MEGF11: variants seen among roughly 807,000 people sequenced by gnomAD.
The protein encoded by MEGF11 is multiple epidermal growth factor-like domains protein 11.
MEGF11 carries 126 observed loss-of-function variants against 146.6 expected under a neutral mutation model. The ratio of observed to expected loss-of-function variants is 0.86; its 90% CI spans 0.74 to 1.00. MEGF11 has a LOEUF of 1.00. Ranked by LOEUF, MEGF11 falls within the 50% of genes least tolerant of loss-of-function variation. MEGF11 has a pLI of 0.00. For missense variants in MEGF11, 1,509 were observed against 1,521.2 expected, an observed-to-expected ratio of 0.99 and a Z score of 0.13; for synonymous variants, 532 against 583.4, an observed-to-expected ratio of 0.91 and a Z score of 1.27.
At chr15:66,202,351 G>A (rs58460739) in intron 1 of MEGF11, among the ~76,000 whole-genome samples, 6,765 of 152,278 alleles carry the variant, frequency 0.044, 213 homozygotes, top group African/African-American at 0.081. Flanking sequence ...AATATTTAAT[G>A]GCAGTAGAGA....
chr15:66,062,498 C>T (rs1020482292), intron 5 of MEGF11, among the ~76,000 whole-genome samples: 3 of 152,100 alleles, frequency 2.0e-5, no homozygotes, highest in African/African-American at 7.2e-5. Context: ...AGTCTTATGG[C>T]TACAGTGAGA....
Position 66,217,307 on chromosome 15 carries a change from C to T in MEGF11, c.-9+36298G>A, listed in dbSNP as rs536314457. On this transcript the variant is annotated intron_variant, in intron 1 of 25. Transcript: ENST00000395614. ...ATGGCTAAGAGAGAGGGTTCACCTG[C>T]GCAGGGACAGCCTCCAGCTCCCTCT... is the stretch of plus-strand genomic sequence containing the variant. Among the ~76,000 whole-genome samples the T allele has an allele frequency of 3.3e-4, 51 of 152,334 alleles. 2 individuals are homozygous for T. In the South Asian group the frequency reaches 9.3e-3, roughly 28 times the overall value.
At chr15:65,956,789 TAATC>T in intron 10 of MEGF11, among the ~76,000 whole-genome samples, 1 of 152,374 alleles carries the variant, frequency 6.6e-6, no homozygotes, top group African/African-American at 2.4e-5. Context: ...CTCTCCCTCG[TAATC>T]AGAGAAATGC....
At chr15:66,160,234 G>C (rs918742523) in intron 1 of MEGF11, among the ~76,000 whole-genome samples, 2 of 117,132 alleles carry the variant, frequency 1.7e-5, no homozygotes, top group Non-Finnish European at 3.4e-5. Flanking sequence ...AGCCTCCCAA[G>C]GAAAAGCCCT....
intron 1 of MEGF11, among the ~76,000 whole-genome samples, chr15:66,158,345 C>A (rs1021899725): frequency 6.6e-6 from 1 of 152,208 alleles, no homozygotes; most frequent in Admixed American, 6.5e-5. Context: ...AAAAATTCTC[C>A]TATTCAAAAG....
At chr15:65,927,414 A>G (rs1431683123) in intron 13 of MEGF11, among the ~76,000 whole-genome samples, 1 of 152,224 alleles carries the variant, frequency 6.6e-6, no homozygotes, top group African/African-American at 2.4e-5. Context: ...ACAATGGTGA[A>G]TAAGGCAGAT....
chr15:65,923,377 G>T (rs1005234291), intron 13 of MEGF11, among the ~76,000 whole-genome samples: 1 of 152,144 alleles, frequency 6.6e-6, no homozygotes, highest in South Asian at 2.1e-4. Flanking sequence ...GGACCGGGAG[G>T]AACCAACTAT....
intron 13 of MEGF11, among the ~76,000 whole-genome samples, chr15:65,923,231 C>T (rs140838361): frequency 6.6e-6 from 1 of 152,338 alleles, no homozygotes; most frequent in African/African-American, 2.4e-5. Context: ...GAGAAAGAAT[C>T]ATGTCTTGAA....
chr15:66,200,553 C>A (rs2091129479), intron 1 of MEGF11, among the ~76,000 whole-genome samples: 1 of 152,120 alleles, frequency 6.6e-6, no homozygotes, highest in Non-Finnish European at 1.5e-5. Context: ...TTATCCTCAT[C>A]CCTCCCCCCG....
intron 24 of MEGF11, among the ~76,000 whole-genome samples, chr15:65,903,991 C>T (rs1009889679): frequency 6.6e-6 from 1 of 152,132 alleles, no homozygotes; most frequent in African/African-American, 2.4e-5. Context: ...GCTGAGCCCT[C>T]GCCTGCACTC....
intron 14 of MEGF11, 41 bp from the exon 15 acceptor site, chr15:65,922,513 C>A (rs2079209552): frequency 2.7e-6 from 4 of 1,504,122 alleles, no homozygotes; most frequent in Non-Finnish European, 3.6e-6. Flanking sequence ...GCCCAAGAGA[C>A]CCCAGCCAGC....
chr15:66,208,223 T>C (rs906266746), intron 1 of MEGF11, among the ~76,000 whole-genome samples: 3 of 152,100 alleles, frequency 2.0e-5, no homozygotes, highest in African/African-American at 7.2e-5. Context: ...TGGGGAAGTC[T>C]AAAGGGATAT....
chr15:66,154,720 A>G (rs1030398559), intron 1 of MEGF11, among the ~76,000 whole-genome samples: 1 of 152,222 alleles, frequency 6.6e-6, no homozygotes, highest in African/African-American at 2.4e-5. Context: ...GTGGTAGTCA[A>G]AATCTTTAAC....
chr15:66,034,058 G>A (rs2083633496), intron 5 of MEGF11, among the ~76,000 whole-genome samples: 2 of 152,142 alleles, frequency 1.3e-5, no homozygotes, highest in Non-Finnish European at 2.9e-5. Flanking sequence ...CCAAAGTGCT[G>A]GGATTACAGG....
chr15:66,181,348 GT>G (rs1202413733), intron 1 of MEGF11, among the ~76,000 whole-genome samples: 1 of 152,128 alleles, frequency 6.6e-6, no homozygotes, highest in Non-Finnish European at 1.5e-5. Flanking sequence ...CCAGGCTCAG[GT>G]TTTTGTTTTT....
chr15:66,155,008 A>G (rs2089704851), intron 1 of MEGF11, among the ~76,000 whole-genome samples: 1 of 152,272 alleles, frequency 6.6e-6, no homozygotes, highest in East Asian at 1.9e-4. Flanking sequence ...AGGCCAAATT[A>G]GAATCACAGA....
intron 10 of MEGF11, among the ~76,000 whole-genome samples, chr15:65,931,998 C>T (rs762239195): frequency 6.6e-6 from 1 of 152,144 alleles, no homozygotes; most frequent in Admixed American, 6.5e-5. Flanking sequence ...ATTACATTAC[C>T]GGGGATCCTA....
chr15:66,239,152 C>T (rs901983381), intron 1 of MEGF11, among the ~76,000 whole-genome samples: 11 of 152,208 alleles, frequency 7.2e-5, no homozygotes, highest in Non-Finnish European at 1.6e-4. Context: ...TCGGGAAGGA[C>T]ATTCTCCTCT....
At chr15:65,965,320 A>G (rs777773188) in intron 8 of MEGF11, 200 bp from the exon 9 acceptor site, 2 of 498,894 alleles carry the variant, frequency 4.0e-6, no homozygotes, top group Non-Finnish European at 7.0e-6. Flanking sequence ...TCTGCCTTTC[A>G]TGCCAGGTCG....
Sources: gnomAD v4.1 joint callset for allele counts (sites outside exome capture counted in the v4.1 genomes callset) on GRCh38, gnomAD v4.1.1 for gene constraint, MANE v1.5 for transcripts, NCBI Gene and HGNC (gene_info 2026-07-23, HGNC 2026-07-21) for gene names.